IL1RAPL1: variants seen among roughly 807,000 people sequenced by gnomAD.
IL1RAPL1 encodes the protein interleukin 1 receptor accessory protein like 1.
IL1RAPL1 carries 3 observed loss-of-function variants against 48.4 expected under a neutral mutation model. The observed-to-expected ratio is 0.06, with a 90% confidence interval of 0.03 to 0.16. The LOEUF (loss-of-function observed/expected upper bound fraction) is 0.16, where lower values mean the gene tolerates loss of function less well. Ranked by LOEUF, IL1RAPL1 falls within the 10% of genes least tolerant of loss-of-function variation. The probability of loss-of-function intolerance (pLI) is 1.00; values close to 1 mark genes in which losing one functional copy is unlikely to be tolerated. For synonymous variants in IL1RAPL1, 185 were observed against 187.7 expected (o/e 0.99, Z 0.12); for missense variants, 349 against 530.6 (o/e 0.66, Z 3.36).
At chrX:29,109,095 TAGG>T (rs1348020363) in intron 2 of IL1RAPL1, among the ~76,000 whole-genome samples, 6 of 111,093 alleles carry the variant, frequency 5.4e-5, no homozygotes, top group Non-Finnish European at 9.4e-5. Flanking sequence ...TTGAAAAACG[TAGG>T]AGGAGAGAGT....
chrX:29,697,650 A>G (rs1419928642), intron 6 of IL1RAPL1, among the ~76,000 whole-genome samples: 1 of 112,380 alleles, frequency 8.9e-6, no homozygotes, highest in Non-Finnish European at 1.9e-5. Flanking sequence ...AGTGGTATTT[A>G]AAGTCCTCCT....
rs755056344 is a variant in IL1RAPL1, at chrX:28,944,833, C to T, written c.82+155408C>T. ...AATTTGACTATGGTTTTCCATCTTG[C>T]TCAATTAAAAAAAGTCATAGCATGT... On this transcript the variant is annotated intron_variant, in intron 2 of 10. Transcript: ENST00000378993. 1.2e-3 allele frequency among the ~76,000 whole-genome samples: 129 copies of T among 108,496 alleles called. 1 individual carries two copies. The highest frequency in any genetic ancestry group is 4.2e-3 in the African/African-American group (126 of 29,973). 94.2% of individuals were successfully genotyped at this position (108,496 alleles called of 115,157 possible).
chrX:29,379,884 T>TA (rs1255840755), intron 3 of IL1RAPL1, among the ~76,000 whole-genome samples: 3 of 111,233 alleles, frequency 2.7e-5, no homozygotes, highest in East Asian at 2.8e-4. Flanking sequence ...TATTTTTTTT[T>TA]ATCTGTTAAC....
intron 6 of IL1RAPL1, among the ~76,000 whole-genome samples, chrX:29,903,445 G>C (rs1171643946): frequency 2.7e-5 from 3 of 111,309 alleles, no homozygotes; most frequent in Non-Finnish European, 5.7e-5. Context: ...AGAACAAAAT[G>C]CTCACTGTTT....
intron 6 of IL1RAPL1, among the ~76,000 whole-genome samples, chrX:29,830,743 G>A (rs760679750): frequency 6.3e-5 from 7 of 111,230 alleles, no homozygotes; most frequent in Non-Finnish European, 1.1e-4. Flanking sequence ...GTGAGCCACC[G>A]TGCCCGGCCT....
chrX:29,483,719 G>A (rs777267309), intron 5 of IL1RAPL1, among the ~76,000 whole-genome samples: 4 of 107,553 alleles, frequency 3.7e-5, no homozygotes, highest in African/African-American at 6.8e-5. Flanking sequence ...GACAGGGCCC[G>A]GCTCTGTCAC....
At chrX:28,848,274 T>A (rs1280032235) in intron 2 of IL1RAPL1, among the ~76,000 whole-genome samples, 1 of 111,375 alleles carries the variant, frequency 9.0e-6, no homozygotes, top group Non-Finnish European at 1.9e-5. Flanking sequence ...GGCACATGTA[T>A]ACCTATGTAA....
chrX:28,654,219 C>T (rs2146905510), intron 1 of IL1RAPL1, among the ~76,000 whole-genome samples: 1 of 102,452 alleles, frequency 9.8e-6, no homozygotes, highest in East Asian at 3.1e-4. Context: ...AAAAAACACA[C>T]ACGAACAAAC....
Position 29,939,126 on chromosome X carries a change from G to T in IL1RAPL1, c.1058-2525G>T, listed in dbSNP as rs190271547. Among the ~76,000 whole-genome samples the T allele has an allele frequency of 4.6e-3, 509 of 111,681 alleles. 3 individuals are homozygous for T. Among genetic ancestry groups the T allele is most frequent in the African/African-American group, 0.015 (471 of 30,734 alleles). ...GAGTGGAACTGCTATTGATATGGTA[G>T]ATTTTTATTTAATTTTATTAGAAAT... On this transcript the variant is annotated intron_variant, in intron 8 of 10. Transcript: ENST00000378993.
chrX:29,642,437 A>G (rs769321322), intron 5 of IL1RAPL1, among the ~76,000 whole-genome samples: 16 of 112,505 alleles, frequency 1.4e-4, no homozygotes, highest in Non-Finnish European at 2.8e-4. Flanking sequence ...TGCCTGTGGT[A>G]TACACTCAAT....
At chrX:28,701,245 T>C (rs1935292683) in intron 1 of IL1RAPL1, among the ~76,000 whole-genome samples, 1 of 111,830 alleles carries the variant, frequency 8.9e-6, no homozygotes, top group Admixed American at 9.5e-5. Context: ...GGTGAAGTGA[T>C]TTTGCCCCAT....
chrX:29,057,676 G>A (rs1602034592), intron 2 of IL1RAPL1, among the ~76,000 whole-genome samples: 2 of 110,961 alleles, frequency 1.8e-5, no homozygotes, highest in African/African-American at 3.3e-5. Context: ...TGATCCGCCC[G>A]CCTCGGCCTC....
At chrX:29,704,926 T>A (rs1475045258) in intron 6 of IL1RAPL1, among the ~76,000 whole-genome samples, 1 of 111,486 alleles carries the variant, frequency 9.0e-6, no homozygotes, top group Non-Finnish European at 1.9e-5. Flanking sequence ...TTAATTTTTT[T>A]ATTTTTATAA....
intron 5 of IL1RAPL1, among the ~76,000 whole-genome samples, chrX:29,534,133 T>C (rs1921136051): frequency 8.9e-6 from 1 of 112,000 alleles, no homozygotes; most frequent in Non-Finnish European, 1.9e-5. Context: ...TAAACTTATT[T>C]TCTCTGTAAA....
intron 6 of IL1RAPL1, among the ~76,000 whole-genome samples, chrX:29,879,942 A>G (rs1409936134): frequency 9.0e-6 from 1 of 111,450 alleles, no homozygotes; most frequent in Non-Finnish European, 1.9e-5. Flanking sequence ...TGCATATGAG[A>G]TTAGTACACT....
At chrX:29,725,280 T>G (rs976678307) in intron 6 of IL1RAPL1, among the ~76,000 whole-genome samples, 1 of 111,170 alleles carries the variant, frequency 9.0e-6, no homozygotes, top group Non-Finnish European at 1.9e-5. Flanking sequence ...AAAAGACAGC[T>G]TAGTCTCTCT....
At chrX:29,568,428 T>C (rs1922482669) in intron 5 of IL1RAPL1, among the ~76,000 whole-genome samples, 1 of 110,309 alleles carries the variant, frequency 9.1e-6, no homozygotes, top group African/African-American at 3.3e-5. Context: ...GTTAATGATA[T>C]TAAAATGTCA....
chrX:28,926,751 T>G (rs1923752993), intron 2 of IL1RAPL1, among the ~76,000 whole-genome samples: 1 of 111,539 alleles, frequency 9.0e-6, no homozygotes, highest in African/African-American at 3.3e-5. Context: ...TCACACCTTC[T>G]TCTCTCTCTT....
intron 2 of IL1RAPL1, among the ~76,000 whole-genome samples, chrX:28,936,473 G>A (rs1414707268): frequency 9.0e-6 from 1 of 110,714 alleles, no homozygotes; most frequent in Non-Finnish European, 1.9e-5. Context: ...TTATGCTAGT[G>A]TACTCCAGCC....
Sources: allele counts gnomAD v4.1 joint callset (sites outside exome capture counted in the v4.1 genomes callset), GRCh38; gene constraint gnomAD v4.1.1; transcripts MANE v1.5; gene names NCBI Gene and HGNC (gene_info 2026-07-23, HGNC 2026-07-21).